HERC1: variants seen among roughly 807,000 people sequenced by gnomAD.
HERC1 encodes HECT and RLD domain containing E3 ubiquitin protein ligase family member 1, also known as probable E3 ubiquitin-protein ligase HERC1.
A neutral mutation model predicts 554.3 loss-of-function variants in HERC1; 160 were observed. The ratio of observed to expected loss-of-function variants is 0.29; its 90% CI spans 0.25 to 0.33. The LOEUF is 0.33. Among genes scored for constraint, HERC1 ranks in the 10% least tolerant of loss-of-function variants. HERC1 has a pLI of 1.00. For missense variants in HERC1, 4,919 were observed against 5,918.5 expected, an observed-to-expected ratio of 0.83 and a Z score of 5.54; for synonymous variants, 2,175 against 2,131.7, an observed-to-expected ratio of 1.02 and a Z score of -0.56.
chr15:63,723,441 T>C, intron 18 of HERC1, 86 bp from the exon 19 acceptor site: 2 of 957,152 alleles, frequency 2.1e-6, no homozygotes, highest in Non-Finnish European at 3.0e-6. Context: ...TTAATGATTA[T>C]GAAATGATAA....
In HERC1 at chr15:63,709,567, A is replaced by G. The variant is rs1168567876; in HGVS notation, c.4585-2736T>C. On this transcript the variant is annotated intron_variant, in intron 24 of 77. Transcript: ENST00000443617. The stretch of plus-strand genomic sequence containing the variant: ...AAAGAAACTGGAGCTCAGGAAGGTT[A>G]AATGTCTTGTACAGGTCAAAGTCCA... 2.6e-5 allele frequency among the ~76,000 whole-genome samples: 4 copies of G among 152,206 alleles called. No individual in the cohort carries two copies. The East Asian group carries it at 7.7e-4, about 29-fold the overall frequency.
intron 74 of HERC1, among the ~76,000 whole-genome samples, chr15:63,621,185 C>G (rs550007689): frequency 6.6e-6 from 1 of 152,286 alleles, no homozygotes; most frequent in East Asian, 1.9e-4. Context: ...TTAGGGCAGG[C>G]CTGGTGGTGA....
At chr15:63,688,357 A>G (rs1478656502) in intron 33 of HERC1, among the ~76,000 whole-genome samples, 1 of 152,212 alleles carries the variant, frequency 6.6e-6, no homozygotes, top group Non-Finnish European at 1.5e-5. Flanking sequence ...GAACGTGATT[A>G]AGGGTGCCAT....
At chr15:63,704,084 C>A (rs1023522187) in intron 25 of HERC1, among the ~76,000 whole-genome samples, 1 of 151,946 alleles carries the variant, frequency 6.6e-6, no homozygotes, top group African/African-American at 2.4e-5. Flanking sequence ...TGGCTTAAGG[C>A]ATCTGGTCTA....
chr15:63,709,327 G>T (rs1182921946), intron 24 of HERC1, among the ~76,000 whole-genome samples: 2 of 151,872 alleles, frequency 1.3e-5, no homozygotes, highest in African/African-American at 4.8e-5. Context: ...TTTTAAAAAT[G>T]GGTTTTTTTT....
intron 70 of HERC1, 31 bp from the exon 71 acceptor site, chr15:63,626,185 G>A: frequency 1.9e-6 from 3 of 1,603,452 alleles, no homozygotes; most frequent in African/African-American, 1.3e-5. Context: ...CACTTATGAA[G>A]GAAACAGCAT....
intron 2 of HERC1, among the ~76,000 whole-genome samples, chr15:63,767,957 T>C (rs1435561285): frequency 1.3e-5 from 2 of 152,204 alleles, no homozygotes. Context: ...AAGATCTTTA[T>C]AAATTTACTA....
intron 24 of HERC1, among the ~76,000 whole-genome samples, chr15:63,708,199 G>A (rs1476894319): frequency 6.6e-6 from 1 of 152,062 alleles, no homozygotes; most frequent in Non-Finnish European, 1.5e-5. Context: ...TCATTACATA[G>A]TACCTTTGCC....
chr15:63,788,715 G>A (rs1454961245), intron 1 of HERC1, among the ~76,000 whole-genome samples: 5 of 151,914 alleles, frequency 3.3e-5, no homozygotes, highest in Admixed American at 1.3e-4. Flanking sequence ...TCAGGAGTTC[G>A]AGACCGGCCT....
At position 63,656,357 on chromosome 15, in the gene HERC1, C is replaced by T; in HGVS notation, c.9601G>A (p.Gly3201Ser). The T allele has an allele frequency of 1.0e-5, 16 of 1,604,382 alleles. No individual in the cohort carries two copies. Among genetic ancestry groups the T allele is most frequent in the Non-Finnish European group, 1.3e-5 (15 of 1,173,354 alleles). Residue 3201 changes from glycine (G) to serine (S), a missense_variant and splice_region_variant, in exon 49 of 78, where the codon GGT becomes AGT. Around this residue, in one of 11 missense-constraint regions of HERC1, gnomAD observed 1,963 missense variants for 2,228.6 expected, o/e 0.88. Coordinates refer to ENST00000443617, the MANE Select transcript of HERC1 (RefSeq NM_003922.4). ...CCAGCAGCCAGGCTACAACTGGAAC[C>T]ACTGCCAGTAAAGAAAAACATCTCA... is the stretch of plus-strand genomic sequence containing the variant. Reference protein sequence around the residue: ...MRALSLLSVSGSSCSLAAGLE... With the variant: ...MRALSLLSVSSSSCSLAAGLE...
Position 63,755,283 on chromosome 15 carries a change from C to G in HERC1, c.1576G>C (p.Val526Leu). ...VSAGYRHSAA[V>L]TEDGELYTWG... ...GTGTATAATTCCCCATCCTCTGTGACAGCAGCACTATGTCTGTATCCAGCT... is the reference window on the plus strand; with the variant it reads ...GTGTATAATTCCCCATCCTCTGTGAGAGCAGCACTATGTCTGTATCCAGCT... The change falls in exon 6 of 78, where the codon GTC becomes CTC. Residue 526 changes from valine (V) to leucine (L), a missense_variant. Physicochemically the swap from Val to Leu is conservative, Grantham distance 32. This residue lies in a region of HERC1 where 744 missense variants were observed against 1,090.0 expected (regional missense o/e 0.68). Transcript: ENST00000443617. 6.2e-7 allele frequency: 1 copy of G among 1,613,944 alleles called. No homozygotes were observed. Among genetic ancestry groups the G allele is most frequent in the Non-Finnish European group, 8.5e-7 (1 of 1,179,814 alleles).
At chr15:63,697,049 TA>T (rs1316771087) in intron 26 of HERC1, among the ~76,000 whole-genome samples, 1 of 152,206 alleles carries the variant, frequency 6.6e-6, no homozygotes, top group Non-Finnish European at 1.5e-5. Context: ...CTTAACATCT[TA>T]CATAACCATG....
In HERC1 at chr15:63,628,609, A is replaced by G. The variant is rs1027104517; in HGVS notation, c.13105+68T>C. On this transcript the variant is annotated intron_variant, in intron 70 of 77. Coordinates refer to ENST00000443617, the MANE Select transcript of HERC1 (RefSeq NM_003922.4). ...TGCTGGATACAGTTGGGAACTGGCA[A>G]GCAGACAGTGCCATGGGGTACTGCT... 2.0e-6 allele frequency: 3 copies of G among 1,467,952 alleles called. No homozygotes were observed. In the African/African-American group the frequency reaches 4.2e-5, roughly 21 times the overall value. 90.9% of individuals were successfully genotyped at this position (1,467,952 alleles called of 1,614,324 possible). A position where few individuals can be genotyped will look rare whatever the true frequency, so the allele number is the denominator to read the frequency against.
rs528408928 is a variant in HERC1 at position 63,664,602 on chromosome 15, T to C, written c.8556-8A>G. 4 of 1,610,018 alleles carry C rather than the reference T, an allele frequency of 2.5e-6. No homozygotes were observed. The East Asian group carries it at 8.9e-5, about 36-fold the overall frequency. ...TGATCCAAATTATCAGGGCTACAAG[T>C]GCAAGTGAGAAAGCAACACAAAGTT... On this transcript the variant is annotated splice_polypyrimidine_tract_variant and splice_region_variant and intron_variant, in intron 42 of 77. Transcript: ENST00000443617.
At chr15:63,829,559 G>A (rs369238801) in intron 1 of HERC1, among the ~76,000 whole-genome samples, 147 of 94,610 alleles carry the variant, frequency 1.6e-3, no homozygotes, top group East Asian at 9.5e-3. Flanking sequence ...GTGTGTGTGT[G>A]TGTATATATA....
rs61740231 is a variant in HERC1 at position 63,645,019 on chromosome 15, T to C, written c.11157A>G (p.Gly3719=). ...TTQTNVTSAE[G]WWEQESNCQD... ...GGCAATTTGATTCCTGCTCCCACCA[T>C]CCTTCTGCACTAGTCACATTGGTCT... Residue 3719 remains glycine, a synonymous_variant, in exon 57 of 78, where the codon GGA becomes GGG. Coordinates refer to ENST00000443617, the MANE Select transcript of HERC1 (RefSeq NM_003922.4). 1.2e-5 allele frequency: 19 copies of C among 1,613,350 alleles called. No individual in the cohort carries two copies. In the African/African-American group the frequency reaches 2.0e-4, roughly 17 times the overall value.
chr15:63,688,788 T>A (rs1382687762), intron 33 of HERC1, among the ~76,000 whole-genome samples: 1 of 152,112 alleles, frequency 6.6e-6, no homozygotes, highest in Non-Finnish European at 1.5e-5. Context: ...ACTATATGCA[T>A]GGGGACATTA....
intron 24 of HERC1, among the ~76,000 whole-genome samples, chr15:63,712,297 A>C (rs2073338407): frequency 6.6e-6 from 1 of 152,206 alleles, no homozygotes; most frequent in South Asian, 2.1e-4. Context: ...AAGGGAGAGG[A>C]GAGGACATTG....
At position 63,694,079 on chromosome 15, in the gene HERC1, C is replaced by T. The variant is rs1361815289; in HGVS notation, c.5559G>A (p.Leu1853=). Residue 1853 remains leucine, a synonymous_variant, in exon 30 of 78, where the codon TTG becomes TTA. Transcript: ENST00000443617. The surrounding 1 kb of genome is among the most constrained non-coding windows in gnomAD (Gnocchi z 4.3). The part of the protein sequence containing the change: ...DLLCSQLKNL[L]SQTGVLHMAS... ...CCATATGTAGTACACCAGTTTGGGA[C>T]AATAAATTCTTCAACTGACTACAGA... is the stretch of plus-strand genomic sequence containing the variant. The T allele has an allele frequency of 6.2e-7, 1 of 1,610,074 alleles. No homozygotes were observed. Among genetic ancestry groups the T allele is most frequent in the Admixed American group, 1.7e-5 (1 of 59,502 alleles).
Sources: allele counts gnomAD v4.1 joint callset (sites outside exome capture counted in the v4.1 genomes callset), GRCh38; gene constraint gnomAD v4.1.1; regional missense constraint gnomAD v4.1.1; non-coding constraint Gnocchi (gnomAD v3.1); transcripts MANE v1.5; gene names NCBI Gene and HGNC (gene_info 2026-07-23, HGNC 2026-07-21).